LIFR: variants seen among roughly 807,000 people sequenced by gnomAD.
LIFR encodes leukemia inhibitory factor receptor.
A neutral mutation model predicts 122.2 loss-of-function variants in LIFR; 84 were observed. That is an observed-to-expected ratio of 0.69 (90% CI 0.58 to 0.82). The LOEUF is 0.82. Ranked by LOEUF, LIFR falls within the 40% of genes least tolerant of loss-of-function variation. The probability of loss-of-function intolerance (pLI) is 0.00; values close to 1 mark genes in which losing one functional copy is unlikely to be tolerated. For missense variants in LIFR, 1,294 were observed against 1,311.6 expected, an observed-to-expected ratio of 0.99 and a Z score of 0.21; for synonymous variants, 422 against 434.7, an observed-to-expected ratio of 0.97 and a Z score of 0.36.
intron 1 of LIFR, among the ~76,000 whole-genome samples, chr5:38,607,443 A>G (rs1750350099): frequency 6.6e-6 from 1 of 152,156 alleles, no homozygotes; most frequent in South Asian, 2.1e-4. Flanking sequence ...AATATTCAAC[A>G]TAGCTCTCAA....
chr5:38,552,296 T>C (rs979551351), intron 1 of LIFR, among the ~76,000 whole-genome samples: 2 of 152,244 alleles, frequency 1.3e-5, no homozygotes, highest in African/African-American at 4.8e-5. Flanking sequence ...TAGATTCTTA[T>C]TAGACATCTA....
At position 38,478,055 on chromosome 5, in the gene LIFR, T is replaced by C. The variant is rs907619987; in HGVS notation, c.*3540A>G. The C allele has an allele frequency of 1.4e-5, 3 of 209,164 alleles. No individual in the cohort carries two copies. Among genetic ancestry groups the C allele is most frequent in the Admixed American group, 1.2e-4 (2 of 16,906 alleles). The allele number at this position is 209,164 out of a possible 1,614,324, so 13.0% of individuals were successfully genotyped here. On this transcript the variant is annotated 3_prime_UTR_variant, in exon 20 of 20. Coordinates refer to ENST00000453190, the MANE Select transcript of LIFR (RefSeq NM_001127671.2). ...GGAGTATTTTACTTTCAAAATACCA[T>C]AAAATTGATTTTAAATTCCCTTTGG...
chr5:38,564,017 C>T (rs143571966), intron 1 of LIFR, among the ~76,000 whole-genome samples: 344 of 152,314 alleles, frequency 2.3e-3, no homozygotes, highest in Non-Finnish European at 3.7e-3. Context: ...AGGACATGCT[C>T]TGAATTCTGT....
Position 38,479,857 on chromosome 5 carries a change from A to G in LIFR, c.*1738T>C. The G allele has an allele frequency of 4.4e-6, 1 of 226,630 alleles. No homozygotes were observed. Among genetic ancestry groups the G allele is most frequent in the Non-Finnish European group, 8.8e-6 (1 of 113,954 alleles). 14.0% of individuals were successfully genotyped at this position (226,630 alleles called of 1,614,324 possible). A position where few individuals can be genotyped will look rare whatever the true frequency, so the allele number is the denominator to read the frequency against. On this transcript the variant is annotated 3_prime_UTR_variant, in exon 20 of 20. Coordinates refer to ENST00000453190, the MANE Select transcript of LIFR (RefSeq NM_001127671.2). ...TTACTGAACATTTCTATGAACTATT[A>G]TATAGTTTTAATATACTATGTATGT...
chr5:38,573,846 C>T (rs1425628194), intron 1 of LIFR, among the ~76,000 whole-genome samples: 1 of 152,086 alleles, frequency 6.6e-6, no homozygotes, highest in East Asian at 1.9e-4. Context: ...GGGCTGGGTG[C>T]GGTGGCTCAC....
At chr5:38,577,803 G>C (rs1446436344) in intron 1 of LIFR, among the ~76,000 whole-genome samples, 6 of 152,082 alleles carry the variant, frequency 3.9e-5, no homozygotes, top group African/African-American at 1.4e-4. Flanking sequence ...AAGAGCTAAG[G>C]GTCACTTAGA....
At chr5:38,589,039 C>G (rs1458056958) in intron 1 of LIFR, among the ~76,000 whole-genome samples, 1 of 148,730 alleles carries the variant, frequency 6.7e-6, no homozygotes, top group Non-Finnish European at 1.5e-5. Flanking sequence ...ACTCTGTTGC[C>G]GAGGCTGAAG....
chr5:38,550,411 G>T (rs1008346145), intron 1 of LIFR, among the ~76,000 whole-genome samples: 1 of 152,116 alleles, frequency 6.6e-6, no homozygotes, highest in Non-Finnish European at 1.5e-5. Flanking sequence ...GAACTTAACA[G>T]AATGGCTTTA....
intron 7 of LIFR, 111 bp downstream of exon 7, chr5:38,510,353 G>A: frequency 2.0e-6 from 2 of 1,010,176 alleles, no homozygotes; most frequent in South Asian, 2.8e-5. Flanking sequence ...ACAAAGAAAT[G>A]AGAAAGAAAC....
intron 15 of LIFR, among the ~76,000 whole-genome samples, chr5:38,489,463 C>G (rs184254417): frequency 4.5e-4 from 69 of 152,254 alleles, no homozygotes; most frequent in Non-Finnish European, 7.8e-4. Context: ...AAAGGTAGAA[C>G]TTACAATATC....
At chr5:38,511,759 T>C (rs1280853413) in intron 6 of LIFR, 31 bp downstream of exon 6, 1 of 1,605,448 alleles carries the variant, frequency 6.2e-7, no homozygotes. Context: ...TTAATTCATC[T>C]GAAACAAACA....
Position 38,516,366 on chromosome 5 carries a change from G to T in LIFR, c.562-4402C>A, listed in dbSNP as rs1746081216. 2.6e-5 allele frequency among the ~76,000 whole-genome samples: 4 copies of T among 152,076 alleles called. No homozygotes were observed. In the South Asian group the frequency reaches 6.2e-4, roughly 24 times the overall value. On this transcript the variant is annotated intron_variant, in intron 5 of 19. Transcript: ENST00000453190. ...ACAAGGAACTTAAACAAATTTACAAGAAAAAAATCAAACAACCCCATCAAA... is the reference window on the plus strand; with the variant it reads ...ACAAGGAACTTAAACAAATTTACAATAAAAAAATCAAACAACCCCATCAAA...
chr5:38,477,514 G>A lies in LIFR; in HGVS notation c.*4081C>T, dbSNP rs1275255587. The A allele has an allele frequency of 4.6e-6, 1 of 216,380 alleles. No individual in the cohort carries two copies. Among genetic ancestry groups the A allele is most frequent in the Non-Finnish European group, 9.3e-6 (1 of 107,502 alleles). The allele number at this position is 216,380 out of a possible 1,614,324, so 13.4% of individuals were successfully genotyped here. On this transcript the variant is annotated 3_prime_UTR_variant, in exon 20 of 20. Transcript: ENST00000453190. ...CACACTGTTGGGCAGAACACATGCT[G>A]GCTGGTACAAACATGCCCCAGTTGC...
Position 38,477,804 on chromosome 5 carries a change from G to A in LIFR, c.*3791C>T, listed in dbSNP as rs1285651615. The stretch of plus-strand genomic sequence containing the variant: ...AAATTAGTTACTGAGCTTTCACGAT[G>A]TGCCTAGTCTTTGTAGCTAATAATC... On this transcript the variant is annotated 3_prime_UTR_variant, in exon 20 of 20. Transcript: ENST00000453190. The A allele has an allele frequency of 4.6e-6, 1 of 218,206 alleles. No homozygotes were observed. Among genetic ancestry groups the A allele is most frequent in the African/African-American group, 2.2e-5 (1 of 44,512 alleles). The allele number at this position is 218,206 out of a possible 1,614,324, so 13.5% of individuals were successfully genotyped here.
chr5:38,530,613 G>C lies in LIFR; in HGVS notation c.35C>G (p.Ser12Cys). 4 of 1,613,468 alleles carry C rather than the reference G, an allele frequency of 2.5e-6. No individual in the cohort carries two copies. The highest frequency in any genetic ancestry group is 3.4e-6 in the Non-Finnish European group (4 of 1,179,426). Reference protein sequence around the residue: ...MDIYVCLKRPSWMVDNKRMRT... With the variant: ...MDIYVCLKRPCWMVDNKRMRT... ...CATTCTTTTATTGTCCACCATCCAG[G>C]ATGGTCGTTTCAAACATACGTAAAT... The change falls in exon 2 of 20, where the codon TCC becomes TGC. Residue 12 changes from serine (S) to cysteine (C), a missense_variant. Coordinates refer to ENST00000453190, the MANE Select transcript of LIFR (RefSeq NM_001127671.2).
In LIFR at chr5:38,504,039, G is replaced by T. The variant is rs1561151560; in HGVS notation, c.1374C>A (p.Asn458Lys). The change falls in exon 10 of 20, where the codon AAC becomes AAA. Residue 458 changes from asparagine to lysine, a missense_variant. Coordinates refer to ENST00000453190, the MANE Select transcript of LIFR (RefSeq NM_001127671.2). ...CACATAAAAAATTAATCTTTGCAAA[G>T]TTGCCTGGTAAATGCCAAGAAAGTT... is the stretch of plus-strand genomic sequence containing the variant. ...AVKLSWHLPG[N>K]FAKINFLCEI... is the part of the protein sequence containing the mutation. The T allele has an allele frequency of 6.3e-7, 1 of 1,591,348 alleles. No homozygotes were observed. Among genetic ancestry groups the T allele is most frequent in the East Asian group, 2.2e-5 (1 of 44,630 alleles).
chr5:38,493,703 G>C lies in LIFR; in HGVS notation c.1968C>G (p.Asp656Glu). The C allele has an allele frequency of 6.2e-7, 1 of 1,614,100 alleles. No individual in the cohort carries two copies. The highest frequency in any genetic ancestry group is 8.5e-7 in the Non-Finnish European group (1 of 1,179,988). Residue 656 changes from aspartate to glutamate, a missense_variant, in exon 14 of 20, where the codon GAC (aspartate) becomes GAG (glutamate). Asp to Glu is a conservative substitution (Grantham distance 45). Transcript: ENST00000453190. ...TWHYDPNMTC[D>E]YVIKWCNSSR... is the part of the protein sequence containing the mutation. Reference sequence around the variant, plus strand: ...ACGAGTTACACCACTTAATGACGTAGTCGCAAGTCATGTTGGGGTCGTAAT... The same window carrying C: ...ACGAGTTACACCACTTAATGACGTACTCGCAAGTCATGTTGGGGTCGTAAT...
Position 38,506,670 on chromosome 5 carries a change from T to G in LIFR, c.992-38A>C, listed in dbSNP as rs370116380. ...AAATGCAGGTACTTATGATTACATA[T>G]ATTTTCCCTGAAAACATAATATTTT... On this transcript the variant is annotated intron_variant, in intron 7 of 19. Coordinates refer to ENST00000453190, the MANE Select transcript of LIFR (RefSeq NM_001127671.2). 1.9e-6 allele frequency: 3 copies of G among 1,560,918 alleles called. No homozygotes were observed. In the African/African-American group the frequency reaches 4.1e-5, roughly 21 times the overall value.
chr5:38,494,594 A>G (rs1744780797), intron 13 of LIFR, among the ~76,000 whole-genome samples: 1 of 152,186 alleles, frequency 6.6e-6, no homozygotes, highest in African/African-American at 2.4e-5. Flanking sequence ...ATTGGGGTAG[A>G]AGATAGGGCA....
Sources: allele counts gnomAD v4.1 joint callset (sites outside exome capture counted in the v4.1 genomes callset), GRCh38; gene constraint gnomAD v4.1.1; transcripts MANE v1.5; gene names NCBI Gene and HGNC (gene_info 2026-07-23, HGNC 2026-07-21).